Variants in FAM227B observed in about 807,000 individuals in gnomAD.
FAM227B encodes family with sequence similarity 227 member B, also known as protein FAM227B.
FAM227B carries 88 observed loss-of-function variants against 73.8 expected under a neutral mutation model. That is an observed-to-expected ratio of 1.19 (90% CI 1.00 to 1.42). FAM227B has a LOEUF of 1.42. Among genes scored for constraint, FAM227B ranks in the 40% most tolerant of loss-of-function variants. The probability of loss-of-function intolerance (pLI) is 0.00; values close to 1 mark genes in which losing one functional copy is unlikely to be tolerated. For missense variants in FAM227B, 632 were observed against 590.9 expected, an observed-to-expected ratio of 1.07 and a Z score of -0.72; for synonymous variants, 210 against 190.5, an observed-to-expected ratio of 1.10 and a Z score of -0.84.
intron 11 of FAM227B, among the ~76,000 whole-genome samples, chr15:49,391,276 AACAGAG>A (rs1160898653): frequency 6.6e-6 from 1 of 152,118 alleles, no homozygotes; most frequent in Non-Finnish European, 1.5e-5. Flanking sequence ...AGTAAGACAG[AACAGAG>A]ACCCCTCTTA....
chr15:49,531,563 G>C (rs528209267), intron 10 of FAM227B, among the ~76,000 whole-genome samples: 1 of 151,952 alleles, frequency 6.6e-6, no homozygotes, highest in East Asian at 1.9e-4. Flanking sequence ...TTTCTTGGGA[G>C]CCTAGGTGAG....
chr15:49,461,910 C>T (rs929818125), intron 11 of FAM227B, among the ~76,000 whole-genome samples: 2 of 152,226 alleles, frequency 1.3e-5, no homozygotes, highest in Non-Finnish European at 1.5e-5. Context: ...GGCAGTGGCT[C>T]TGTAATCCTA....
In FAM227B at chr15:49,329,162, G is replaced by A. The variant is rs189368783; in HGVS notation, c.1420-487C>T. 3.3e-5 allele frequency: 33 copies of A among 987,420 alleles called. No homozygotes were observed. The African/African-American group carries it at 5.4e-4, about 16-fold the overall frequency. The allele number at this position is 987,420 out of a possible 1,614,324, so 61.2% of individuals were successfully genotyped here. A position where few individuals can be genotyped will look rare whatever the true frequency, so the allele number is the denominator to read the frequency against. Reference sequence around the variant, plus strand: ...ACCCCATTGTAAAGCAGGTATGCAGGTATGTGGGTGAAAGTGACTATGAAA... The same window carrying A: ...ACCCCATTGTAAAGCAGGTATGCAGATATGTGGGTGAAAGTGACTATGAAA... On this transcript the variant is annotated intron_variant, in intron 15 of 15. Coordinates refer to ENST00000299338, the MANE Select transcript of FAM227B (RefSeq NM_152647.3).
intron 3 of FAM227B, among the ~76,000 whole-genome samples, chr15:49,609,298 A>G (rs1200160753): frequency 6.6e-6 from 1 of 151,742 alleles, no homozygotes; most frequent in Non-Finnish European, 1.5e-5. Flanking sequence ...AAAGATACAC[A>G]GAAGTACAAC....
chr15:49,404,411 C>A (rs1354689105), intron 11 of FAM227B, among the ~76,000 whole-genome samples: 1 of 152,130 alleles, frequency 6.6e-6, no homozygotes. Flanking sequence ...CTTTGAAGGT[C>A]TCTAAGAAGT....
At chr15:49,395,255 G>GT (rs991232287) in intron 11 of FAM227B, among the ~76,000 whole-genome samples, 46 of 151,204 alleles carry the variant, frequency 3.0e-4, no homozygotes, top group South Asian at 2.5e-3. Flanking sequence ...GGGTTTTAAG[G>GT]TTTTTTTTGT....
At chr15:49,460,961 G>A (rs1474684245) in intron 11 of FAM227B, among the ~76,000 whole-genome samples, 3 of 152,192 alleles carry the variant, frequency 2.0e-5, no homozygotes, top group African/African-American at 7.2e-5. Context: ...AAAGCTCAGT[G>A]TTGATAGCTG....
chr15:49,535,515 A>G (rs914960399), intron 10 of FAM227B, among the ~76,000 whole-genome samples: 3 of 151,706 alleles, frequency 2.0e-5, no homozygotes, highest in Admixed American at 6.6e-5. Context: ...TAATATCAAC[A>G]CTCTTTAAAC....
chr15:49,568,332 GT>G lies in FAM227B; in HGVS notation c.659del (p.Asn220ThrfsTer14). ...FLHKFRPDRENQDCLFDRISE... is the reference protein window; with the variant it reads ...FLHKFRPDREXQDCLFDRISE... Reference sequence around the variant, plus strand: ...AAATTCTATCGAATAAGCAATCTTGGTTTTCTCTGTCAGGCTTAAAAAAATG... The same window carrying G: ...AAATTCTATCGAATAAGCAATCTTGGTTTCTCTGTCAGGCTTAAAAAAATG... On this transcript the variant is annotated frameshift_variant, in exon 9 of 16. Transcript: ENST00000299338. LOFTEE classifies it high-confidence loss of function. 9 of 1,608,720 alleles carry G rather than the reference GT, an allele frequency of 5.6e-6. No homozygotes were observed. The highest frequency in any genetic ancestry group is 7.6e-6 in the Non-Finnish European group (9 of 1,177,832).
chr15:49,591,331 A>T (rs2076544609), intron 3 of FAM227B, among the ~76,000 whole-genome samples: 2 of 149,550 alleles, frequency 1.3e-5, no homozygotes, highest in Admixed American at 6.7e-5. Context: ...CAGCCTCCCA[A>T]AGTGCTGGGA....
At chr15:49,457,255 T>C (rs192209678) in intron 11 of FAM227B, among the ~76,000 whole-genome samples, 5 of 152,118 alleles carry the variant, frequency 3.3e-5, no homozygotes, top group African/African-American at 7.2e-5. Context: ...TTTAATACTA[T>C]AATATTCCAA....
At chr15:49,360,809 T>A (rs769693865) in intron 13 of FAM227B, among the ~76,000 whole-genome samples, 9 of 152,192 alleles carry the variant, frequency 5.9e-5, no homozygotes, top group Non-Finnish European at 1.2e-4. Context: ...AACAAGTTTA[T>A]CATCCTTATA....
intron 8 of FAM227B, among the ~76,000 whole-genome samples, chr15:49,572,748 G>T (rs942612191): frequency 1.3e-4 from 20 of 152,102 alleles, no homozygotes; most frequent in African/African-American, 4.6e-4. Context: ...CTCTTCTTTT[G>T]CTAAGCCTTT....
intron 13 of FAM227B, among the ~76,000 whole-genome samples, chr15:49,350,415 A>T (rs2151295840): frequency 6.6e-6 from 1 of 152,312 alleles, no homozygotes; most frequent in Non-Finnish European, 1.5e-5. Flanking sequence ...TGCTCTAAAT[A>T]ATCTATATTG....
chr15:49,422,432 T>C (rs948615248), intron 11 of FAM227B: 1 of 711,154 alleles, frequency 1.4e-6, no homozygotes. Context: ...ATTGTTCCAA[T>C]ATTCTTATTG....
intron 11 of FAM227B, among the ~76,000 whole-genome samples, chr15:49,406,838 G>A (rs1032386739): frequency 6.6e-6 from 1 of 152,126 alleles, no homozygotes; most frequent in Non-Finnish European, 1.5e-5. Context: ...GGAGCAGGCA[G>A]AGCAGCCGGG....
intron 13 of FAM227B, chr15:49,366,553 A>C: frequency 6.3e-7 from 1 of 1,588,756 alleles, no homozygotes; most frequent in Admixed American, 1.7e-5. Flanking sequence ...GGGGGTTATA[A>C]AGCATGCAGT....
At position 49,328,178 on chromosome 15, in the gene FAM227B, A is replaced by C; in HGVS notation, c.*390T>G. ...GGCCTGAAAAAATGTAAAAAGTCTG[A>C]GAGAAACTACTTAGGGCACTTAGGA... On this transcript the variant is annotated 3_prime_UTR_variant, in exon 16 of 16. Coordinates refer to ENST00000299338, the MANE Select transcript of FAM227B (RefSeq NM_152647.3). The C allele has an allele frequency of 1.2e-6, 2 of 1,605,260 alleles. No individual in the cohort carries two copies. The highest frequency in any genetic ancestry group is 1.7e-6 in the Non-Finnish European group (2 of 1,175,406).
At chr15:49,391,573 T>C (rs111686826) in intron 11 of FAM227B, among the ~76,000 whole-genome samples, 58 of 152,114 alleles carry the variant, frequency 3.8e-4, no homozygotes, top group African/African-American at 1.3e-3. Context: ...TTCTAAATTT[T>C]TTCCTGACGG....
Sources: gnomAD v4.1 joint callset for allele counts (sites outside exome capture counted in the v4.1 genomes callset) on GRCh38, gnomAD v4.1.1 for gene constraint, MANE v1.5 for transcripts, NCBI Gene and HGNC (gene_info 2026-07-23, HGNC 2026-07-21) for gene names.